The following ZFHX3 variants were observed in gnomAD, a reference collection of about 807,000 sequenced individuals.
The protein encoded by ZFHX3 is zinc finger homeobox 3.
In ZFHX3, 42 loss-of-function variants were observed where a neutral mutation model predicts 279.1. The observed-to-expected ratio is 0.15, with a 90% CI of 0.12 to 0.19. The LOEUF is 0.19. Among genes scored for constraint, ZFHX3 ranks in the 10% least tolerant of loss-of-function variants. The pLI is 1.00. For missense variants in ZFHX3, 4,981 were observed against 4,754.0 expected, an observed-to-expected ratio of 1.05 and a Z score of -1.40; for synonymous variants, 2,293 against 1,957.8, an observed-to-expected ratio of 1.17 and a Z score of -4.52.
chr16:72,924,953 G>GC (rs1381895234), intron 3 of ZFHX3, among the ~76,000 whole-genome samples: 9 of 152,134 alleles, frequency 5.9e-5, no homozygotes, highest in African/African-American at 2.2e-4. Context: ...AACGGAGAAG[G>GC]CAGATGGGTC....
At chr16:73,687,670 C>T (rs1348055829) in intron 1 of ZFHX3, among the ~76,000 whole-genome samples, 1 of 151,662 alleles carries the variant, frequency 6.6e-6, no homozygotes, top group Non-Finnish European at 1.5e-5. Flanking sequence ...AGTGAAACCC[C>T]GTCTCTGCTA....
At chr16:73,869,876 C>G (rs1478992006) in intron 1 of ZFHX3, among the ~76,000 whole-genome samples, 1 of 152,216 alleles carries the variant, frequency 6.6e-6, no homozygotes, top group Non-Finnish European at 1.5e-5. Flanking sequence ...GATTAAGTCT[C>G]TTATATGTGG....
intron 2 of ZFHX3, among the ~76,000 whole-genome samples, chr16:73,461,094 T>G (rs1351807966): frequency 5.9e-5 from 9 of 152,372 alleles, no homozygotes. Context: ...AAATTATTTA[T>G]TATAATAGGT....
intron 3 of ZFHX3, among the ~76,000 whole-genome samples, chr16:73,378,337 A>G (rs1475639987): frequency 6.6e-6 from 1 of 152,196 alleles, no homozygotes; most frequent in Non-Finnish European, 1.5e-5. Flanking sequence ...AAAGCTAATC[A>G]TTCATCCCCA....
At chr16:73,100,521 G>T (rs28649164) in intron 7 of ZFHX3, among the ~76,000 whole-genome samples, 1 of 152,016 alleles carries the variant, frequency 6.6e-6, no homozygotes, top group African/African-American at 2.4e-5. Flanking sequence ...CTTAAATGGA[G>T]ACATCTCCCA....
At chr16:73,401,021 T>C (rs894683164) in intron 3 of ZFHX3, 9 of 152,070 alleles carry the variant, frequency 5.9e-5, no homozygotes, top group African/African-American at 2.2e-4. Flanking sequence ...AAGGCCCTCA[T>C]GAAAGGAAGA....
At chr16:73,665,839 C>T (rs1180790408) in intron 2 of ZFHX3, among the ~76,000 whole-genome samples, 1 of 116,374 alleles carries the variant, frequency 8.6e-6, no homozygotes, top group Non-Finnish European at 1.6e-5. Context: ...TTTTTTAAGG[C>T]AGAGTCTTGC....
chr16:73,021,734 G>T (rs990550434), intron 1 of ZFHX3, among the ~76,000 whole-genome samples: 7 of 151,006 alleles, frequency 4.6e-5, no homozygotes, highest in African/African-American at 1.7e-4. Context: ...AGGAGGCTGA[G>T]GCAGGAGAAT....
chr16:73,052,092 G>A (rs1410827008), upstream of ZFHX3, among the ~76,000 whole-genome samples: 2 of 151,934 alleles, frequency 1.3e-5, no homozygotes, highest in Non-Finnish European at 2.9e-5. Context: ...CTTTACAGTC[G>A]GTCTGATGCT....
chr16:73,248,561 T>C (rs1488926837), intron 5 of ZFHX3, among the ~76,000 whole-genome samples: 1 of 151,710 alleles, frequency 6.6e-6, no homozygotes, highest in Non-Finnish European at 1.5e-5. Context: ...GTACTGTGTA[T>C]AAAATGTGTC....
intron 3 of ZFHX3, among the ~76,000 whole-genome samples, chr16:73,413,353 C>T (rs2017507423): frequency 6.6e-6 from 1 of 151,994 alleles, no homozygotes; most frequent in Non-Finnish European, 1.5e-5. Context: ...GTGACCTGTA[C>T]ATAAGGGAGT....
chr16:72,966,098 G>C (rs1961823232), intron 1 of ZFHX3, among the ~76,000 whole-genome samples: 1 of 152,090 alleles, frequency 6.6e-6, no homozygotes, highest in South Asian at 2.1e-4. Flanking sequence ...TCAACACAGA[G>C]GTCCGTGTGT....
chr16:73,409,616 G>A (rs1360600186), intron 3 of ZFHX3, among the ~76,000 whole-genome samples: 1 of 152,172 alleles, frequency 6.6e-6, no homozygotes, highest in Admixed American at 6.5e-5. Flanking sequence ...CCACTGCTGG[G>A]TATAATCCCC....
chr16:73,832,719 C>T (rs890354376), intron 1 of ZFHX3, among the ~76,000 whole-genome samples: 3 of 151,976 alleles, frequency 2.0e-5, no homozygotes, highest in African/African-American at 7.3e-5. Context: ...TTTTTAAAAG[C>T]CTTTTAAAGG....
At chr16:73,551,797 T>C (rs182020680) in intron 2 of ZFHX3, among the ~76,000 whole-genome samples, 50 of 152,358 alleles carry the variant, frequency 3.3e-4, no homozygotes, top group African/African-American at 1.1e-3. Flanking sequence ...GTAAGACTTA[T>C]AGATTCAGAG....
At chr16:73,879,604 T>C (rs2030076140) in intron 1 of ZFHX3, among the ~76,000 whole-genome samples, 1 of 152,148 alleles carries the variant, frequency 6.6e-6, no homozygotes, top group Admixed American at 6.5e-5. Flanking sequence ...AAGAAGGGAC[T>C]ATCACTGTAA....
At chr16:73,695,827 T>A (rs1227349096) in intron 1 of ZFHX3, among the ~76,000 whole-genome samples, 1 of 152,078 alleles carries the variant, frequency 6.6e-6, no homozygotes, top group African/African-American at 2.4e-5. Flanking sequence ...CCCATTTGTC[T>A]CAGTATCTCC....
At chr16:73,480,457 C>T (rs978938180) in intron 2 of ZFHX3, among the ~76,000 whole-genome samples, 6 of 152,206 alleles carry the variant, frequency 3.9e-5, no homozygotes, top group African/African-American at 1.2e-4. Flanking sequence ...TTTAACTCCT[C>T]CTGCCACTGC....
chr16:73,689,115 C>A (rs1412862793), intron 1 of ZFHX3, among the ~76,000 whole-genome samples: 1 of 152,152 alleles, frequency 6.6e-6, no homozygotes, highest in Non-Finnish European at 1.5e-5. Context: ...TTTAAATGAT[C>A]CAATAAATAC....
Sources: gnomAD v4.1 joint callset for allele counts (sites outside exome capture counted in the v4.1 genomes callset) on GRCh38, gnomAD v4.1.1 for gene constraint, MANE v1.5 for transcripts, NCBI Gene and HGNC (gene_info 2026-07-23, HGNC 2026-07-21) for gene names.